Variants in SORBS2 observed in about 807,000 individuals in gnomAD.
SORBS2 encodes the protein sorbin and SH3 domain containing 2, also known as sorbin and SH3 domain-containing protein 2.
A neutral mutation model predicts 97.7 loss-of-function variants in SORBS2; 46 were observed. The ratio of observed to expected loss-of-function variants is 0.47; its 90% CI spans 0.37 to 0.60. The LOEUF is 0.60. Among genes scored for constraint, SORBS2 ranks in the 20% least tolerant of loss-of-function variants. The pLI is 0.00. For synonymous variants in SORBS2, 476 were observed against 473.4 expected (o/e 1.01, Z -0.07); for missense variants, 1,316 against 1,282.3 (o/e 1.03, Z -0.40).
intron 1 of SORBS2, among the ~76,000 whole-genome samples, chr4:185,830,626 T>C (rs1471725961): frequency 1.3e-5 from 2 of 152,218 alleles, no homozygotes; most frequent in African/African-American, 4.8e-5. Context: ...GAACATTTTC[T>C]CAGGATAGAG....
intron 2 of SORBS2, among the ~76,000 whole-genome samples, chr4:185,715,822 A>C (rs575412338): frequency 6.6e-6 from 1 of 152,230 alleles, no homozygotes; most frequent in Non-Finnish European, 1.5e-5. Context: ...AAACTACTAA[A>C]TGCTCAATAG....
chr4:185,721,415 C>T (rs77524200), intron 2 of SORBS2, among the ~76,000 whole-genome samples: 10,701 of 152,202 alleles, frequency 0.07, 530 homozygotes, highest in African/African-American at 0.14. Flanking sequence ...AACGTTTGAT[C>T]TCTTTGCAGA....
chr4:185,720,843 C>A (rs759161775), intron 2 of SORBS2, among the ~76,000 whole-genome samples: 1 of 152,120 alleles, frequency 6.6e-6, no homozygotes, highest in Non-Finnish European at 1.5e-5. Flanking sequence ...GGATGAGCAA[C>A]CTTGAACCAG....
chr4:185,856,796 G>A (rs1472939564), intron 1 of SORBS2, among the ~76,000 whole-genome samples: 5 of 152,118 alleles, frequency 3.3e-5, no homozygotes, highest in African/African-American at 9.7e-5. Context: ...CTGCCTGGCT[G>A]GGGAGGCCTC....
chr4:185,688,651 C>T (rs1046752243), intron 2 of SORBS2, among the ~76,000 whole-genome samples: 65 of 152,214 alleles, frequency 4.3e-4, no homozygotes, highest in African/African-American at 1.5e-3. Context: ...ATAGATAATG[C>T]AGGCCAGTTT....
At chr4:185,913,345 G>A (rs2099256354) in intron 1 of SORBS2, among the ~76,000 whole-genome samples, 1 of 152,040 alleles carries the variant, frequency 6.6e-6, no homozygotes, top group African/African-American at 2.4e-5. Context: ...TACCATTGAG[G>A]CTCATTCTGT....
chr4:185,725,127 G>A (rs923327593), intron 2 of SORBS2, among the ~76,000 whole-genome samples: 9 of 152,012 alleles, frequency 5.9e-5, no homozygotes, highest in Admixed American at 1.3e-4. Flanking sequence ...GTTCAAAAAG[G>A]GATTTAGGCA....
chr4:185,634,135 A>G (rs1293675827), intron 4 of SORBS2, among the ~76,000 whole-genome samples: 1 of 152,194 alleles, frequency 6.6e-6, no homozygotes, highest in Non-Finnish European at 1.5e-5. Flanking sequence ...TATTTAATAT[A>G]TAAATATTTT....
intron 2 of SORBS2, 111 bp downstream of exon 10, chr4:185,652,551 A>G (rs1214417516): frequency 2.4e-6 from 2 of 823,282 alleles, no homozygotes; most frequent in African/African-American, 1.7e-5. Flanking sequence ...GAAAGGGGAC[A>G]CGGAGTTTGC....
intron 1 of SORBS2, among the ~76,000 whole-genome samples, chr4:185,839,941 C>T (rs1040111245): frequency 3.9e-5 from 6 of 152,152 alleles, no homozygotes; most frequent in African/African-American, 1.4e-4. Flanking sequence ...ATAAAGCATC[C>T]TGCCATGTGC....
At chr4:185,862,025 G>A (rs1468884768) in intron 1 of SORBS2, among the ~76,000 whole-genome samples, 1 of 152,212 alleles carries the variant, frequency 6.6e-6, no homozygotes, top group African/African-American at 2.4e-5. Context: ...AAGGTGCTGG[G>A]AGCAGGGAGG....
intron 2 of SORBS2, among the ~76,000 whole-genome samples, chr4:185,763,888 T>C (rs1399086011): frequency 6.6e-6 from 1 of 152,182 alleles, no homozygotes; most frequent in African/African-American, 2.4e-5. Context: ...GGAATGAGTC[T>C]ATGGATAAAA....
intron 2 of SORBS2, among the ~76,000 whole-genome samples, chr4:185,731,862 CTCTCTATATATATA>C (rs1203978268): frequency 5.2e-3 from 158 of 30,534 alleles, no homozygotes; most frequent in Admixed American, 9.3e-3. Context: ...CTCTCTCTCT[CTCTCTATATATATA>C]TATATATATA....
At chr4:185,649,338 A>G (rs1482645320) in intron 3 of SORBS2, 129 bp downstream of exon 12, 2 of 720,328 alleles carry the variant, frequency 2.8e-6, no homozygotes, top group Non-Finnish European at 4.3e-6. Context: ...AATATGGTAT[A>G]TGTATAGACT....
intron 5 of SORBS2, among the ~76,000 whole-genome samples, chr4:185,629,564 GTT>G (rs397880846): frequency 1.3e-4 from 17 of 135,712 alleles, no homozygotes; most frequent in Admixed American, 2.3e-4. Context: ...TTTGTGATTT[GTT>G]TTTTTTTTTT....
intron 2 of SORBS2, among the ~76,000 whole-genome samples, chr4:185,768,790 G>A (rs1228494215): frequency 1.3e-5 from 2 of 152,020 alleles, no homozygotes; most frequent in Admixed American, 1.3e-4. Context: ...GAGTATGCAA[G>A]GGCGACATGT....
chr4:185,619,755 G>A (rs531559108), intron 8 of SORBS2, among the ~76,000 whole-genome samples: 55 of 152,274 alleles, frequency 3.6e-4, no homozygotes, highest in African/African-American at 1.2e-3. Flanking sequence ...TTGCCTCCAC[G>A]AGGTGCCCTA....
At chr4:185,593,804 C>G (rs2096017175) in intron 13 of SORBS2, 82 bp downstream of exon 25, 1 of 879,158 alleles carries the variant, frequency 1.1e-6, no homozygotes, top group South Asian at 1.4e-5. Flanking sequence ...CGTGCAAAGC[C>G]ATACATCTTA....
At chr4:185,911,473 C>T (rs147549249) in intron 1 of SORBS2, among the ~76,000 whole-genome samples, 29 of 152,260 alleles carry the variant, frequency 1.9e-4, no homozygotes, top group Non-Finnish European at 3.8e-4. Context: ...AGTCTTCCCA[C>T]CCCAGCCTCT....
Sources: gnomAD v4.1 joint callset for allele counts (sites outside exome capture counted in the v4.1 genomes callset) on GRCh38, gnomAD v4.1.1 for gene constraint, MANE v1.5 for transcripts, NCBI Gene and HGNC (gene_info 2026-07-23, HGNC 2026-07-21) for gene names.